AHCY: variants seen among roughly 807,000 people sequenced by gnomAD.
The protein encoded by AHCY is adenosylhomocysteinase, also known as S-adenosyl-L-homocysteine hydrolase.
AHCY carries 24 observed loss-of-function variants against 45.4 expected under a neutral mutation model. The observed-to-expected ratio is 0.53, with a 90% CI of 0.38 to 0.74. The LOEUF (loss-of-function observed/expected upper bound fraction) is 0.74. Among genes scored for constraint, AHCY ranks in the 30% least tolerant of loss-of-function variants. The pLI, the probability that AHCY is intolerant of heterozygous loss-of-function variation, is 0.00. For missense variants in AHCY, 449 were observed against 594.1 expected (o/e 0.76, Z 2.54); for synonymous variants, 245 against 235.1 (o/e 1.04, Z -0.39).
chr20:34,296,025 A>C (rs1016379516), intron 1 of AHCY, among the ~76,000 whole-genome samples: 19 of 152,006 alleles, frequency 1.2e-4, no homozygotes, highest in Non-Finnish European at 2.5e-4. Context: ...TATAAATACT[A>C]TCTAACATTT....
intron 1 of AHCY, among the ~76,000 whole-genome samples, chr20:34,296,620 T>C (rs58057420): frequency 4.2e-4 from 64 of 152,232 alleles, no homozygotes; most frequent in African/African-American, 1.5e-3. Context: ...CTGGTCCACT[T>C]CCAAGGTCAT....
chr20:34,244,496 T>G, the AHCY span, among the ~76,000 whole-genome samples: 1 of 152,204 alleles, frequency 6.6e-6, no homozygotes, highest in Admixed American at 6.5e-5. Context: ...ATTACCAAAA[T>G]GTTTCCAAGT....
the AHCY span, among the ~76,000 whole-genome samples, chr20:34,273,993 A>T: frequency 2.6e-5 from 4 of 152,068 alleles, no homozygotes; most frequent in Admixed American, 1.3e-4. Flanking sequence ...GGTGAGAATG[A>T]TGATATTGAC....
the AHCY span, among the ~76,000 whole-genome samples, chr20:34,256,359 T>G: frequency 6.6e-6 from 1 of 152,214 alleles, no homozygotes; most frequent in Non-Finnish European, 1.5e-5. Context: ...AGCTGTATTT[T>G]ATTCTGTCTC....
the AHCY span, among the ~76,000 whole-genome samples, chr20:34,258,845 GTA>G: frequency 8.6e-6 from 1 of 116,584 alleles, no homozygotes. Flanking sequence ...TATATATAGT[GTA>G]TATATAATAT....
the AHCY span, among the ~76,000 whole-genome samples, chr20:34,236,012 AAGAG>A: frequency 5.4e-4 from 61 of 113,822 alleles, no homozygotes; most frequent in Middle Eastern, 4.3e-3. Flanking sequence ...GAAAGAGAGA[AAGAG>A]AGAGAGAAGA....
chr20:34,290,664 C>T lies in AHCY; in HGVS notation c.767-26G>A, dbSNP rs1455880365. 1 of 1,613,892 alleles carries T rather than the reference C, an allele frequency of 6.2e-7. No individual in the cohort carries two copies. Among genetic ancestry groups the T allele is most frequent in the African/African-American group, 1.3e-5 (1 of 74,928 alleles). Reference sequence around the variant, plus strand: ...CTGTGCAGAGACAGTGGCTGTGGGTCATCTACGGTGGCCTTGCCCCTCCCT... The same window carrying T: ...CTGTGCAGAGACAGTGGCTGTGGGTTATCTACGGTGGCCTTGCCCCTCCCT... On this transcript the variant is annotated intron_variant, in intron 6 of 9. Transcript: ENST00000217426. This position sits in a 1 kb window ranked among gnomAD's most constrained non-coding sequence, Gnocchi z 4.5.
intron 1 of AHCY, among the ~76,000 whole-genome samples, chr20:34,297,927 T>C (rs2036625209): frequency 6.6e-6 from 1 of 152,090 alleles, no homozygotes; most frequent in Non-Finnish European, 1.5e-5. Flanking sequence ...TCACTTGAGG[T>C]CAGGAGTTCA....
At chr20:34,250,628 T>C in the AHCY span, among the ~76,000 whole-genome samples, 1 of 152,158 alleles carries the variant, frequency 6.6e-6, no homozygotes, top group Non-Finnish European at 1.5e-5. Flanking sequence ...TGAAACCCGA[T>C]CTCTACTAAA....
At chr20:34,309,857 G>C (rs1157978848) in intron 1 of AHCY, among the ~76,000 whole-genome samples, 1 of 150,972 alleles carries the variant, frequency 6.6e-6, no homozygotes, top group Non-Finnish European at 1.5e-5. Context: ...CAGGACAGAA[G>C]GAAGGAGGGA....
rs73610832 is a variant in AHCY, at chr20:34,297,447, G to A, written c.29-1862C>T. Among the ~76,000 whole-genome samples the A allele has an allele frequency of 1.5e-3, 231 of 152,010 alleles. 2 individuals are homozygous for A. The highest frequency in any genetic ancestry group is 3.4e-3 in the Middle Eastern group (1 of 294). Reference sequence around the variant, plus strand: ...CCAATAGCTGGGATTACAGGAACTCGCCACCATGCCCAGCTAATTTTTGTA... The same window carrying A: ...CCAATAGCTGGGATTACAGGAACTCACCACCATGCCCAGCTAATTTTTGTA... On this transcript the variant is annotated intron_variant, in intron 1 of 9. Transcript: ENST00000217426.
the AHCY span, among the ~76,000 whole-genome samples, chr20:34,247,300 CTTTT>C: frequency 1.7e-5 from 2 of 120,654 alleles, no homozygotes; most frequent in African/African-American, 3.1e-5. Flanking sequence ...TTATATGATG[CTTTT>C]TTTTTTTTTT....
At position 34,285,518 on chromosome 20, in the gene AHCY, G is replaced by A. The variant is rs1255786356; in HGVS notation, c.1089C>T (p.Thr363=). ...HPSFVMSNSF[T]NQVMAQIELW... is the part of the protein sequence containing the mutation. ...GCTCGATCTGCGCCATCACCTGGTT[G>A]GTGAAGGAGTTACTCATCACGAAGC... The change falls in exon 9 of 10, where the codon ACC becomes ACT. Residue 363 remains threonine, a synonymous_variant. Transcript: ENST00000217426. 3.7e-6 allele frequency: 6 copies of A among 1,614,038 alleles called. No individual in the cohort carries two copies. The South Asian group carries it at 4.4e-5, about 12-fold the overall frequency.
At chr20:34,241,629 A>C in the AHCY span, 1 of 691,174 alleles carries the variant, frequency 1.4e-6, no homozygotes, top group Admixed American at 6.3e-5. Flanking sequence ...GGGTCAGAGT[A>C]GTTAAGAGGA....
chr20:34,310,312 GC>G (rs1166438688), intron 1 of AHCY, among the ~76,000 whole-genome samples: 1 of 152,118 alleles, frequency 6.6e-6, no homozygotes, highest in East Asian at 1.9e-4. Context: ...ACCTGCCTTG[GC>G]CTCCCAAAGT....
chr20:34,269,760 T>C, the AHCY span, among the ~76,000 whole-genome samples: 1 of 150,964 alleles, frequency 6.6e-6, no homozygotes, highest in African/African-American at 2.4e-5. Flanking sequence ...TCCTGACCAA[T>C]ATGGAGAAAC....
At chr20:34,302,975 C>A (rs1368514875) in intron 1 of AHCY, 6 of 985,358 alleles carry the variant, frequency 6.1e-6, no homozygotes, top group Non-Finnish European at 7.2e-6. Flanking sequence ...TCCCGCGGAG[C>A]ACGCCGCCAG....
chr20:34,274,879 G>A, the AHCY span, among the ~76,000 whole-genome samples: 762 of 152,210 alleles, frequency 5.0e-3, 3 homozygotes, highest in Non-Finnish European at 7.5e-3. Context: ...GCTTGAGCTC[G>A]GGAGTTCAAG....
At chr20:34,235,899 A>AGGAGGGAGGGAAGAATG in the AHCY span, among the ~76,000 whole-genome samples, 35 of 64,608 alleles carry the variant, frequency 5.4e-4, 3 homozygotes, top group African/African-American at 2.0e-3. Flanking sequence ...GGAAGGAAGG[A>AGGAGGGAGGGAAGAATG]AAGGAAGGAA....
Sources: allele counts gnomAD v4.1 joint callset (sites outside exome capture counted in the v4.1 genomes callset), GRCh38; gene constraint gnomAD v4.1.1; non-coding constraint Gnocchi (gnomAD v3.1); transcripts MANE v1.5; gene names NCBI Gene and HGNC (gene_info 2026-07-23, HGNC 2026-07-21).